PCDHA11: variants seen among roughly 807,000 people sequenced by gnomAD.
The protein encoded by PCDHA11 is protocadherin alpha-11.
PCDHA11 carries 61 observed loss-of-function variants against 70.3 expected under a neutral mutation model. That is an observed-to-expected ratio of 0.87 (90% CI 0.71 to 1.07). PCDHA11 has a LOEUF of 1.07. PCDHA11 is among the 50% of genes least tolerant of loss of function. PCDHA11 has a pLI of 0.00. For missense variants in PCDHA11, 1,324 were observed against 1,237.5 expected (o/e 1.07, Z -1.05); for synonymous variants, 633 against 555.1 (o/e 1.14, Z -1.97).
intron 1 of PCDHA11, chr5:140,883,037 A>C: frequency 6.2e-7 from 1 of 1,614,166 alleles, no homozygotes; most frequent in Non-Finnish European, 8.5e-7. Flanking sequence ...GAACGCCTTC[A>C]ATGGAACATT....
chr5:140,952,028 T>C (rs2094677235), intron 1 of PCDHA11, among the ~76,000 whole-genome samples: 1 of 152,164 alleles, frequency 6.6e-6, no homozygotes, highest in Non-Finnish European at 1.5e-5. Flanking sequence ...AAGTCCGAAA[T>C]CCAGTAGGGC....
intron 1 of PCDHA11, among the ~76,000 whole-genome samples, chr5:140,934,446 A>G (rs527371307): frequency 2.0e-5 from 3 of 152,188 alleles, no homozygotes; most frequent in Non-Finnish European, 4.4e-5. Context: ...ATAGTGAAAA[A>G]TGCAAATAAT....
At chr5:140,884,390 T>C in intron 1 of PCDHA11, 7 of 1,613,968 alleles carry the variant, frequency 4.3e-6, no homozygotes, top group Middle Eastern at 1.6e-4. Context: ...CTGCGCGGTG[T>C]CCAGCCTGTT....
chr5:140,879,875 C>T (rs1040496825), intron 1 of PCDHA11, among the ~76,000 whole-genome samples: 39 of 152,326 alleles, frequency 2.6e-4, no homozygotes, highest in African/African-American at 8.7e-4. Flanking sequence ...TTCATGGTCA[C>T]ATTGCCTCCT....
At chr5:140,924,738 T>C (rs2153573504) in intron 1 of PCDHA11, among the ~76,000 whole-genome samples, 1 of 151,522 alleles carries the variant, frequency 6.6e-6, no homozygotes, top group Admixed American at 6.6e-5. Flanking sequence ...CTAATAAAAA[T>C]ACAAAAATTA....
At chr5:140,904,435 A>G (rs542932460) in intron 1 of PCDHA11, among the ~76,000 whole-genome samples, 4 of 151,230 alleles carry the variant, frequency 2.6e-5, no homozygotes, top group African/African-American at 9.7e-5. Flanking sequence ...ATATATATGT[A>G]TATTACAATT....
chr5:140,979,157 A>G (rs2096837413), intron 2 of PCDHA11, 150 bp downstream of exon 2: 9 of 1,429,186 alleles, frequency 6.3e-6, no homozygotes, highest in Non-Finnish European at 8.3e-6. Context: ...CCCCATGTTT[A>G]TTCCTTGAAA....
intron 1 of PCDHA11, among the ~76,000 whole-genome samples, chr5:140,914,439 T>G (rs1352001626): frequency 6.6e-6 from 1 of 152,192 alleles, no homozygotes; most frequent in Admixed American, 6.6e-5. Flanking sequence ...TCTTTTCCCA[T>G]GTCTTTATTT....
chr5:140,888,059 T>C (rs1562834280), intron 1 of PCDHA11, among the ~76,000 whole-genome samples: 1 of 152,232 alleles, frequency 6.6e-6, no homozygotes, highest in African/African-American at 2.4e-5. Context: ...TGTTTTAACT[T>C]TCTTGTCTGC....
At chr5:140,920,959 T>G (rs2079949518) in intron 1 of PCDHA11, among the ~76,000 whole-genome samples, 1 of 152,072 alleles carries the variant, frequency 6.6e-6, no homozygotes, top group Non-Finnish European at 1.5e-5. Flanking sequence ...ACTACACATG[T>G]AGTACTAGAG....
chr5:140,995,861 A>G (rs2097700846), intron 3 of PCDHA11, among the ~76,000 whole-genome samples: 1 of 152,220 alleles, frequency 6.6e-6, no homozygotes. Context: ...GTATCACTTA[A>G]TAATTGTGCA....
At chr5:140,895,898 G>A (rs1023440863) in intron 1 of PCDHA11, among the ~76,000 whole-genome samples, 2 of 152,016 alleles carry the variant, frequency 1.3e-5, no homozygotes, top group South Asian at 4.1e-4. Flanking sequence ...TGCAACCTCC[G>A]CGTCCCGGGC....
intron 1 of PCDHA11, among the ~76,000 whole-genome samples, chr5:140,973,163 G>A (rs1473284872): frequency 1.3e-5 from 2 of 152,166 alleles, no homozygotes; most frequent in African/African-American, 4.8e-5. Context: ...GCAATTTGTA[G>A]TCACCAAACC....
rs1588262423 is a variant in PCDHA11 at position 141,011,885 on chromosome 5, T to C, written c.*1948T>C. 1 of 153,482 alleles carries C rather than the reference T, an allele frequency of 6.5e-6. No homozygotes were observed. The highest frequency in any genetic ancestry group is 1.9e-4 in the East Asian group (1 of 5,202). 9.5% of individuals were successfully genotyped at this position (153,482 alleles called of 1,614,324 possible). ...ATAATGTACAATTTAGAAGTTTGATTAATTATATTATCTATTTAGGCATTA... is the reference window on the plus strand; with the variant it reads ...ATAATGTACAATTTAGAAGTTTGATCAATTATATTATCTATTTAGGCATTA... On this transcript the variant is annotated 3_prime_UTR_variant, in exon 4 of 4. Transcript: ENST00000398640.
At chr5:140,871,682 A>C (rs1207167654) in intron 1 of PCDHA11, 188 bp downstream of exon 1, 1 of 1,103,566 alleles carries the variant, frequency 9.1e-7, no homozygotes, top group Non-Finnish European at 1.3e-6. Context: ...TCATATGAAT[A>C]ATCTGGCTTC....
At chr5:140,891,644 T>C (rs1554184907) in intron 1 of PCDHA11, among the ~76,000 whole-genome samples, 1 of 152,246 alleles carries the variant, frequency 6.6e-6, no homozygotes, top group Non-Finnish European at 1.5e-5. Context: ...TGGGCTTTAT[T>C]GTGGATAGTT....
At chr5:140,881,377 G>A (rs557722479) in intron 1 of PCDHA11, 222 of 984,702 alleles carry the variant, frequency 2.3e-4, no homozygotes, top group Non-Finnish European at 2.4e-4. Flanking sequence ...AATTGCAGCC[G>A]GCGGCGGTAA....
chr5:140,972,837 T>C (rs1328315293), intron 1 of PCDHA11, among the ~76,000 whole-genome samples: 1 of 152,004 alleles, frequency 6.6e-6, no homozygotes, highest in Non-Finnish European at 1.5e-5. Context: ...CTAATTTTTG[T>C]ATTTTTAGTA....
rs1554164701 is a variant in PCDHA11 at position 140,870,777 on chromosome 5, C to T, written c.1674C>T (p.Asn558=). The T allele has an allele frequency of 3.1e-6, 5 of 1,613,610 alleles. No individual in the cohort carries two copies. In the African/African-American group the frequency reaches 4.0e-5, roughly 13 times the overall value. Residue 558 remains asparagine, a synonymous_variant, in exon 1 of 4, where the codon AAC becomes AAT. Coordinates refer to ENST00000398640, the MANE Select transcript of PCDHA11 (RefSeq NM_018902.5). The part of the protein sequence containing the change: ...VTLQVFVLDE[N]DNAPALLATQ... Reference sequence around the variant, plus strand: ...TGCAGGTGTTCGTGCTGGACGAGAACGACAACGCGCCGGCACTGCTGGCGA... The same window carrying T: ...TGCAGGTGTTCGTGCTGGACGAGAATGACAACGCGCCGGCACTGCTGGCGA...
Sources: allele counts gnomAD v4.1 joint callset (sites outside exome capture counted in the v4.1 genomes callset), GRCh38; gene constraint gnomAD v4.1.1; transcripts MANE v1.5; gene names NCBI Gene and HGNC (gene_info 2026-07-23, HGNC 2026-07-21).